ANKRD44: variants seen among roughly 807,000 people sequenced by gnomAD.
The protein encoded by ANKRD44 is serine/threonine-protein phosphatase 6 regulatory ankyrin repeat subunit B.
ANKRD44 carries 35 observed loss-of-function variants against 116.0 expected under a neutral mutation model. The ratio of observed to expected loss-of-function variants is 0.30; its 90% CI spans 0.23 to 0.40. ANKRD44 has a LOEUF of 0.40. Among genes scored for constraint, ANKRD44 ranks in the 10% least tolerant of loss-of-function variants. ANKRD44 has a pLI of 1.00. For synonymous variants in ANKRD44, 435 were observed against 461.8 expected (o/e 0.94, Z 0.74); for missense variants, 1,014 against 1,242.6 (o/e 0.82, Z 2.77).
At chr2:197,227,701 G>A (rs2081753190) in intron 1 of ANKRD44, among the ~76,000 whole-genome samples, 7 of 152,192 alleles carry the variant, frequency 4.6e-5, no homozygotes, top group Admixed American at 3.9e-4. Flanking sequence ...CACTGGACCA[G>A]GAATCTGAAG....
chr2:197,055,336 A>G (rs2077183236), intron 16 of ANKRD44, among the ~76,000 whole-genome samples: 1 of 151,848 alleles, frequency 6.6e-6, no homozygotes, highest in African/African-American at 2.4e-5. Flanking sequence ...GTTCTGTAGG[A>G]GTTCTTCATA....
intron 1 of ANKRD44, among the ~76,000 whole-genome samples, chr2:197,264,952 G>C (rs558740336): frequency 1.3e-5 from 2 of 152,086 alleles, no homozygotes; most frequent in African/African-American, 4.8e-5. Flanking sequence ...ATTTTTTAAT[G>C]GTCATTGCCA....
intron 17 of ANKRD44, among the ~76,000 whole-genome samples, chr2:197,022,788 C>T (rs1000277889): frequency 2.0e-5 from 3 of 152,136 alleles, no homozygotes; most frequent in Non-Finnish European, 2.9e-5. Context: ...CACTTGAGCC[C>T]GGGAGTTTGA....
intron 4 of ANKRD44, chr2:197,134,659 T>C (rs758070539): frequency 2.0e-5 from 3 of 152,132 alleles, no homozygotes; most frequent in African/African-American, 2.4e-5. Context: ...TCCACTAGAC[T>C]ACACACTTCC....
chr2:197,041,507 A>G (rs1349803392), intron 16 of ANKRD44, among the ~76,000 whole-genome samples: 1 of 152,014 alleles, frequency 6.6e-6, no homozygotes, highest in Non-Finnish European at 1.5e-5. Context: ...GCACTTGCTC[A>G]TTTTTCTCAC....
chr2:197,231,260 A>G (rs1028274219), intron 1 of ANKRD44, among the ~76,000 whole-genome samples: 1 of 152,092 alleles, frequency 6.6e-6, no homozygotes, highest in Non-Finnish European at 1.5e-5. Context: ...CCGTCTCTAA[A>G]AAAATTAAAA....
rs1553509928 is a variant in ANKRD44 at position 197,108,871 on chromosome 2, C to CAAAAA, written c.985+1890_985+1894dup. On this transcript the variant is annotated intron_variant, in intron 9 of 27. Coordinates refer to ENST00000282272, the MANE Select transcript of ANKRD44 (RefSeq NM_001195144.2). ...ACAACAACAACAACAACAACAACAA[C>CAAAAA]AAAAACACAAATAAACAAAAAAAGT... Among the ~76,000 whole-genome samples the CAAAAA allele has an allele frequency of 5.6e-4, 84 of 150,676 alleles. 2 individuals carry two copies. The highest frequency in any genetic ancestry group is 2.1e-3 in the African/African-American group (84 of 40,732).
In ANKRD44 at chr2:197,050,682, C is replaced by G. The variant is rs113209082; in HGVS notation, c.1651-25415G>C. 5.0e-3 allele frequency among the ~76,000 whole-genome samples: 755 copies of G among 152,192 alleles called. 11 individuals carry two copies. Among genetic ancestry groups the G allele is most frequent in the African/African-American group, 0.017 (722 of 41,526 alleles). ...AAGTGATCCACCCACCTTGGCCTCC[C>G]AAAGCGCTGGCATTACAGGTGTGAG... On this transcript the variant is annotated intron_variant, in intron 16 of 27. Coordinates refer to ENST00000282272, the MANE Select transcript of ANKRD44 (RefSeq NM_001195144.2).
At chr2:196,998,267 G>C in intron 25 of ANKRD44, 70 bp downstream of exon 25, 2 of 1,196,026 alleles carry the variant, frequency 1.7e-6, no homozygotes, top group Non-Finnish European at 2.4e-6. Context: ...TTCCGAGGTA[G>C]AATTTCAGTG....
intron 16 of ANKRD44, among the ~76,000 whole-genome samples, chr2:197,073,422 T>C (rs745453814): frequency 9.2e-5 from 14 of 152,214 alleles, no homozygotes; most frequent in Non-Finnish European, 1.8e-4. Flanking sequence ...AACCCCAGGC[T>C]AGCTCTGGCC....
chr2:197,058,397 CT>C (rs34959135), intron 16 of ANKRD44, among the ~76,000 whole-genome samples: 81 of 142,128 alleles, frequency 5.7e-4, no homozygotes, highest in African/African-American at 1.3e-3. Context: ...GGCTGTGAAT[CT>C]TTTTTTTTTT....
intron 17 of ANKRD44, among the ~76,000 whole-genome samples, chr2:197,017,822 C>T (rs1349444836): frequency 1.3e-5 from 2 of 152,208 alleles, no homozygotes; most frequent in East Asian, 3.9e-4. Context: ...CCTGTTAAAC[C>T]CAGGGCTATT....
At chr2:197,278,710 A>T (rs1257815473) in intron 1 of ANKRD44, among the ~76,000 whole-genome samples, 1 of 152,190 alleles carries the variant, frequency 6.6e-6, no homozygotes. Flanking sequence ...ACAAGGTCTT[A>T]TTGGACAGTA....
chr2:197,122,781 C>G lies in ANKRD44; in HGVS notation c.562G>C (p.Val188Leu). The G allele has an allele frequency of 6.2e-7, 1 of 1,613,688 alleles. No individual in the cohort carries two copies. Among genetic ancestry groups the G allele is most frequent in the South Asian group, 1.1e-5 (1 of 90,986 alleles). The change falls in exon 7 of 28, where the codon GTT (valine) becomes CTT (leucine). Residue 188 changes from valine (V) to leucine (L), a missense_variant. By Grantham distance (32) the Val-to-Leu change is conservative. Transcript: ENST00000282272. ...CCATGGTTAATGAGCAATGCTACAA[C>G]ATCCAAGTGGCCTTTACAAACAAAG... is the stretch of plus-strand genomic sequence containing the variant. ...HWAAYMGHLDVVALLINHGAE... is the reference protein window; with the variant it reads ...HWAAYMGHLDLVALLINHGAE...
At position 197,210,773 on chromosome 2, in the gene ANKRD44, A is replaced by AG. The variant is rs2081307079; in HGVS notation, c.28-23668dup. 2.0e-5 allele frequency among the ~76,000 whole-genome samples: 3 copies of AG among 152,146 alleles called. No homozygotes were observed. In the South Asian group the frequency reaches 6.2e-4, roughly 32 times the overall value. ...GATATCATTCCTCCCTTATGGAGAG[A>AG]GGCAGCTTCAAAGGGGGTCAGAAAC... is the stretch of plus-strand genomic sequence containing the variant. On this transcript the variant is annotated intron_variant, in intron 1 of 27. Coordinates refer to ENST00000282272, the MANE Select transcript of ANKRD44 (RefSeq NM_001195144.2).
At chr2:197,302,987 C>G (rs1403859069) in intron 1 of ANKRD44, among the ~76,000 whole-genome samples, 1 of 152,210 alleles carries the variant, frequency 6.6e-6, no homozygotes, top group South Asian at 2.1e-4. Context: ...AAGGATTGCT[C>G]CCTTTATCCT....
At chr2:196,999,607 T>TTTAC in intron 23 of ANKRD44, among the ~76,000 whole-genome samples, 1 of 151,330 alleles carries the variant, frequency 6.6e-6, no homozygotes, top group Middle Eastern at 3.4e-3. Flanking sequence ...TATTTATTTA[T>TTTAC]TTTTGAGATA....
At chr2:197,061,155 A>G (rs1345180881) in intron 16 of ANKRD44, among the ~76,000 whole-genome samples, 1 of 152,204 alleles carries the variant, frequency 6.6e-6, no homozygotes, top group Non-Finnish European at 1.5e-5. Flanking sequence ...CAGATTAGAC[A>G]AGCTATGAAG....
At chr2:197,083,052 A>AT (rs2077833354) in intron 14 of ANKRD44, among the ~76,000 whole-genome samples, 1 of 152,370 alleles carries the variant, frequency 6.6e-6, no homozygotes, top group South Asian at 2.1e-4. Flanking sequence ...CAAATGAAGC[A>AT]TTTAAGTGGT....
Sources: gnomAD v4.1 joint callset for allele counts (sites outside exome capture counted in the v4.1 genomes callset) on GRCh38, gnomAD v4.1.1 for gene constraint, MANE v1.5 for transcripts, NCBI Gene and HGNC (gene_info 2026-07-23, HGNC 2026-07-21) for gene names.